Variants in L3MBTL4 observed in about 807,000 individuals in gnomAD.
The protein encoded by L3MBTL4 is L3MBTL histone methyl-lysine binding protein 4.
L3MBTL4 carries 70 observed loss-of-function variants against 84.5 expected under a neutral mutation model. The ratio of observed to expected loss-of-function variants is 0.83; its 90% confidence interval spans 0.68 to 1.01. The LOEUF is 1.01. Among genes scored for constraint, L3MBTL4 ranks in the 50% least tolerant of loss-of-function variants. The pLI, the probability that L3MBTL4 is intolerant of heterozygous loss-of-function variation, is 0.00. For synonymous variants in L3MBTL4, 274 were observed against 259.8 expected (o/e 1.05, Z -0.52); for missense variants, 715 against 754.8 (o/e 0.95, Z 0.62).
In L3MBTL4 at chr18:6,090,584, T is replaced by TTA. The variant is rs201137058; in HGVS notation, c.1373+2769_1373+2770dup. Among the ~76,000 whole-genome samples the TTA allele has an allele frequency of 1.9e-3, 242 of 130,296 alleles. 4 individuals are homozygous for TTA. In the East Asian group the frequency reaches 0.042, roughly 23 times the overall value. 85.5% of individuals were successfully genotyped at this position (130,296 alleles called of 152,430 possible). ...ATATATAAATATATGTGTATATATA[T>TTA]TATATATATACACACACACACACAC... On this transcript the variant is annotated intron_variant, in intron 15 of 18. Coordinates refer to ENST00000317931, the MANE Select transcript of L3MBTL4 (RefSeq NM_001330559.2).
At chr18:6,013,265 C>T (rs2054817982) in intron 16 of L3MBTL4, among the ~76,000 whole-genome samples, 1 of 152,146 alleles carries the variant, frequency 6.6e-6, no homozygotes, top group Non-Finnish European at 1.5e-5. Context: ...GTTAGAACAT[C>T]ATAGTGAAGG....
intron 16 of L3MBTL4, among the ~76,000 whole-genome samples, chr18:6,058,515 A>C (rs935525239): frequency 1.2e-4 from 19 of 152,094 alleles, no homozygotes; most frequent in Non-Finnish European, 2.4e-4. Context: ...CGGTACCCAT[A>C]ATCAAGAGAA....
At chr18:6,270,292 G>C (rs1042104867) in intron 4 of L3MBTL4, among the ~76,000 whole-genome samples, 1 of 152,120 alleles carries the variant, frequency 6.6e-6, no homozygotes, top group Non-Finnish European at 1.5e-5. Flanking sequence ...CATTTTTCAC[G>C]TGCGCAGTCA....
At chr18:5,958,722 G>T (rs1168611257) in intron 18 of L3MBTL4, among the ~76,000 whole-genome samples, 3 of 152,106 alleles carry the variant, frequency 2.0e-5, no homozygotes. Context: ...CCTACTTTGG[G>T]ACAAGAACAG....
chr18:5,995,767 GA>G (rs1191219354), intron 16 of L3MBTL4, among the ~76,000 whole-genome samples: 1 of 152,194 alleles, frequency 6.6e-6, no homozygotes, highest in Non-Finnish European at 1.5e-5. Context: ...TGGCTGGCAG[GA>G]AGGAGTGAGG....
chr18:6,039,784 C>T (rs1480196386), intron 16 of L3MBTL4, among the ~76,000 whole-genome samples: 6 of 152,198 alleles, frequency 3.9e-5, no homozygotes, highest in South Asian at 4.1e-4. Context: ...CAGTGCCTGG[C>T]TAACCAATGA....
At chr18:6,251,738 T>C (rs1441585411) in intron 5 of L3MBTL4, among the ~76,000 whole-genome samples, 1 of 152,170 alleles carries the variant, frequency 6.6e-6, no homozygotes, top group East Asian at 1.9e-4. Context: ...AAATTGGTGG[T>C]CTAATATGTA....
At chr18:6,018,416 G>T (rs1274589694) in intron 16 of L3MBTL4, among the ~76,000 whole-genome samples, 1 of 152,162 alleles carries the variant, frequency 6.6e-6, no homozygotes. Context: ...CACTGCAAAG[G>T]CTAGAACCAT....
intron 5 of L3MBTL4, among the ~76,000 whole-genome samples, chr18:6,248,407 A>C (rs988895258): frequency 6.6e-6 from 1 of 152,188 alleles, no homozygotes; most frequent in East Asian, 1.9e-4. Context: ...TCCATTTGAA[A>C]TACAATTGAG....
chr18:6,093,583 A>G (rs2058532101), intron 14 of L3MBTL4, 55 bp from the exon 15 acceptor site: 1 of 1,443,544 alleles, frequency 6.9e-7, no homozygotes, highest in African/African-American at 1.5e-5. Flanking sequence ...TAAATCAGGG[A>G]TCCATTGTCA....
At chr18:6,141,153 G>A (rs1178025780) in intron 13 of L3MBTL4, among the ~76,000 whole-genome samples, 1 of 151,742 alleles carries the variant, frequency 6.6e-6, no homozygotes, top group Admixed American at 6.6e-5. Flanking sequence ...GCTACAGGAT[G>A]TAGTTCAATA....
At chr18:6,045,551 C>T (rs1049958837) in intron 16 of L3MBTL4, among the ~76,000 whole-genome samples, 3 of 152,124 alleles carry the variant, frequency 2.0e-5, no homozygotes, top group African/African-American at 7.2e-5. Flanking sequence ...TGGCAGCAGG[C>T]AAAGACGGTT....
intron 5 of L3MBTL4, among the ~76,000 whole-genome samples, chr18:6,257,067 T>C (rs936403421): frequency 1.3e-5 from 2 of 152,110 alleles, no homozygotes; most frequent in Admixed American, 6.5e-5. Flanking sequence ...TGCCAGGCAC[T>C]GTAGTACGCT....
intron 16 of L3MBTL4, among the ~76,000 whole-genome samples, chr18:6,071,367 G>C (rs1476069528): frequency 1.3e-5 from 2 of 149,454 alleles, no homozygotes; most frequent in African/African-American, 4.9e-5. Flanking sequence ...CTTCAGCTGG[G>C]AGACAGAGTG....
chr18:6,236,307 T>A (rs2047213769), intron 10 of L3MBTL4, among the ~76,000 whole-genome samples: 1 of 152,208 alleles, frequency 6.6e-6, no homozygotes, highest in South Asian at 2.1e-4. Context: ...GGATTTTCAA[T>A]AAGGGTGACA....
At chr18:6,321,464 G>T (rs2051400609) in intron 1 of L3MBTL4, among the ~76,000 whole-genome samples, 1 of 152,128 alleles carries the variant, frequency 6.6e-6, no homozygotes, top group Non-Finnish European at 1.5e-5. Context: ...ACTGCTTGTG[G>T]GAATGTAAGT....
chr18:6,381,755 G>A (rs2054603876), intron 1 of L3MBTL4, among the ~76,000 whole-genome samples: 1 of 152,180 alleles, frequency 6.6e-6, no homozygotes, highest in Admixed American at 6.5e-5. Context: ...CTCTCTGGCT[G>A]CCCTTAACAT....
chr18:6,398,969 G>A (rs2055396770), intron 1 of L3MBTL4, among the ~76,000 whole-genome samples: 1 of 152,132 alleles, frequency 6.6e-6, no homozygotes, highest in Non-Finnish European at 1.5e-5. Flanking sequence ...AAAACAACCA[G>A]CCACTTTCTG....
intron 4 of L3MBTL4, among the ~76,000 whole-genome samples, chr18:6,264,360 T>A (rs1316384105): frequency 6.6e-6 from 1 of 152,226 alleles, no homozygotes; most frequent in Non-Finnish European, 1.5e-5. Context: ...TGGAAAGTGA[T>A]TTAGCTAATT....
Sources: allele counts gnomAD v4.1 joint callset (sites outside exome capture counted in the v4.1 genomes callset), GRCh38; gene constraint gnomAD v4.1.1; transcripts MANE v1.5; gene names NCBI Gene and HGNC (gene_info 2026-07-23, HGNC 2026-07-21).